Variants in FAP observed in about 807,000 individuals in gnomAD.
FAP encodes prolyl endopeptidase FAP.
In FAP, 110 loss-of-function variants were observed where a neutral mutation model predicts 126.5. That is an observed-to-expected ratio of 0.87 (90% CI 0.74 to 1.02). The LOEUF (loss-of-function observed/expected upper bound fraction) is 1.02, where lower values mean the gene tolerates loss of function less well. Among genes scored for constraint, FAP ranks in the 50% least tolerant of loss-of-function variants. The probability of loss-of-function intolerance (pLI) is 0.00; values close to 1 mark genes in which losing one functional copy is unlikely to be tolerated. For synonymous variants in FAP, 334 were observed against 297.3 expected, an observed-to-expected ratio of 1.12 and a Z score of -1.27; for missense variants, 919 against 909.2, an observed-to-expected ratio of 1.01 and a Z score of -0.14.
intron 12 of FAP, among the ~76,000 whole-genome samples, chr2:162,204,084 T>C (rs534660857): frequency 2.6e-5 from 4 of 152,232 alleles, no homozygotes; most frequent in Admixed American, 2.6e-4. Flanking sequence ...CTCTCTCTAG[T>C]TGGTGTCCCT....
Position 162,225,549 on chromosome 2 carries a change from A to G in FAP, c.219T>C (p.Asp73=). The change falls in exon 4 of 26, where the codon GAT becomes GAC. Residue 73 remains aspartate (D), a synonymous_variant. Coordinates refer to ENST00000188790, the MANE Select transcript of FAP (RefSeq NM_004460.5). ...SGQEYLHQSA[D]NNIVLYNIET... ...CAATATTATAAAGTACTATATTGTT[A>G]TCTGCAGATTGATGAAGATATTCTT... 1 of 1,599,658 alleles carries G rather than the reference A, an allele frequency of 6.3e-7. No individual in the cohort carries two copies. The highest frequency in any genetic ancestry group is 8.5e-7 in the Non-Finnish European group (1 of 1,172,090).
intron 2 of FAP, among the ~76,000 whole-genome samples, chr2:162,229,284 CAT>C (rs1359632418): frequency 6.6e-5 from 10 of 152,052 alleles, no homozygotes; most frequent in Admixed American, 6.6e-4. Flanking sequence ...GCAGTCAATA[CAT>C]GTTACCTTTT....
chr2:162,223,975 T>C (rs980012), intron 5 of FAP, among the ~76,000 whole-genome samples: 151,985 of 152,196 alleles, frequency 1, 75,887 homozygotes, highest in Middle Eastern at 1. Flanking sequence ...GAAATTTTCC[T>C]TTCATGTTTT....
intron 21 of FAP, among the ~76,000 whole-genome samples, chr2:162,177,149 G>T (rs996630595): frequency 6.6e-6 from 1 of 152,154 alleles, no homozygotes; most frequent in Non-Finnish European, 1.5e-5. Context: ...CCACAGAGCA[G>T]ATTGGCCATG....
intron 2 of FAP, among the ~76,000 whole-genome samples, chr2:162,232,038 G>A (rs909012524): frequency 6.6e-6 from 1 of 151,994 alleles, no homozygotes; most frequent in Non-Finnish European, 1.5e-5. Flanking sequence ...TTATCACACC[G>A]GGTTTTGTTT....
At chr2:162,232,840 T>C (rs1689952961) in intron 2 of FAP, among the ~76,000 whole-genome samples, 1 of 152,220 alleles carries the variant, frequency 6.6e-6, no homozygotes. Flanking sequence ...TGTAAGAACA[T>C]GAATGGCAAA....
intron 2 of FAP, among the ~76,000 whole-genome samples, chr2:162,239,715 GA>G (rs1047281861): frequency 6.6e-5 from 10 of 151,802 alleles, no homozygotes; most frequent in Admixed American, 4.6e-4. Context: ...AGAAATTTTA[GA>G]AAAAAAATAA....
chr2:162,218,696 A>G (rs570022408), intron 8 of FAP, among the ~76,000 whole-genome samples: 1 of 152,148 alleles, frequency 6.6e-6, no homozygotes, highest in African/African-American at 2.4e-5. Flanking sequence ...AGTATCAGAA[A>G]GTAAAAATAT....
chr2:162,214,665 T>C (rs1040913349), intron 10 of FAP, among the ~76,000 whole-genome samples: 20 of 149,490 alleles, frequency 1.3e-4, no homozygotes, highest in African/African-American at 4.7e-4. Context: ...AACTAGTAGG[T>C]AGAGAACATC....
chr2:162,227,957 C>T (rs1375955408), intron 2 of FAP, among the ~76,000 whole-genome samples: 1 of 152,062 alleles, frequency 6.6e-6, no homozygotes, highest in Non-Finnish European at 1.5e-5. Context: ...ATGTTCCTTG[C>T]TTTTACAACA....
In FAP at chr2:162,183,479, A is replaced by G; in HGVS notation, c.1815-11T>C. ...ATTTCTATGAATTTTCTAAAGTAAA[A>G]GAAACAAATTTTTAGAATGTTAAGT... On this transcript the variant is annotated splice_polypyrimidine_tract_variant and intron_variant, in intron 20 of 25. Coordinates refer to ENST00000188790, the MANE Select transcript of FAP (RefSeq NM_004460.5). 1 of 1,557,470 alleles carries G rather than the reference A, an allele frequency of 6.4e-7. No homozygotes were observed. The highest frequency in any genetic ancestry group is 1.1e-5 in the South Asian group (1 of 89,152).
chr2:162,242,897 A>G lies in FAP; in HGVS notation c.91+11T>C. ...TCTAGGCAGATAGAGCAAATCAGAG[A>G]AAGTTCTTACCTCTTGAAGGGCGTA... On this transcript the variant is annotated intron_variant, in intron 2 of 25. Coordinates refer to ENST00000188790, the MANE Select transcript of FAP (RefSeq NM_004460.5). 6.2e-7 allele frequency: 1 copy of G among 1,606,616 alleles called. No homozygotes were observed. Among genetic ancestry groups the G allele is most frequent in the Non-Finnish European group, 8.5e-7 (1 of 1,173,990 alleles).
In FAP at chr2:162,198,889, G is replaced by A. The variant is rs551491179; in HGVS notation, c.1278-8C>T. ...TAGCTTCCAATGCTAATTCTAGAGG[G>A]AAATGAAAATAAAACTAAGCTGAAA... On this transcript the variant is annotated splice_polypyrimidine_tract_variant and splice_region_variant and intron_variant, in intron 15 of 25. Coordinates refer to ENST00000188790, the MANE Select transcript of FAP (RefSeq NM_004460.5). The A allele has an allele frequency of 6.2e-7, 1 of 1,612,462 alleles. No individual in the cohort carries two copies. Among genetic ancestry groups the A allele is most frequent in the African/African-American group, 1.3e-5 (1 of 74,938 alleles).
intron 17 of FAP, among the ~76,000 whole-genome samples, chr2:162,191,838 G>T (rs1688058702): frequency 6.6e-6 from 1 of 152,120 alleles, no homozygotes; most frequent in African/African-American, 2.4e-5. Context: ...TCTGGTTCAA[G>T]TACTACCTGC....
intron 21 of FAP, 108 bp downstream of exon 21, chr2:162,183,306 A>C (rs1687753701): frequency 1.1e-6 from 1 of 888,118 alleles, no homozygotes; most frequent in South Asian, 1.5e-5. Flanking sequence ...TGACAGATTA[A>C]ATTATGTTGC....
chr2:162,173,722 C>T lies in FAP; in HGVS notation c.2034+1G>A. ...AACCTAAATAAAATGGAAACACTTA[C>T]CTTATAGTGCTCAAGATTATCATCC... On this transcript the variant is annotated splice_donor_variant, in intron 23 of 25. Transcript: ENST00000188790. LOFTEE classifies it high-confidence loss of function. 1 of 1,583,198 alleles carries T rather than the reference C, an allele frequency of 6.3e-7. No individual in the cohort carries two copies. Among genetic ancestry groups the T allele is most frequent in the Non-Finnish European group, 8.7e-7 (1 of 1,152,090 alleles).
Position 162,206,847 on chromosome 2 carries a change from G to A in FAP, c.1047+3105C>T, listed in dbSNP as rs551808284. Among the ~76,000 whole-genome samples the A allele has an allele frequency of 4.3e-4, 66 of 152,264 alleles. No individual in the cohort carries two copies. In the Middle Eastern group the frequency reaches 0.024, roughly 55 times the overall value. Reference sequence around the variant, plus strand: ...AGGAAAAAAGTGGTAAGTAAAGTTCGCAGGAAACCTATTTTCTAGTTCTGT... The same window carrying A: ...AGGAAAAAAGTGGTAAGTAAAGTTCACAGGAAACCTATTTTCTAGTTCTGT... On this transcript the variant is annotated intron_variant, in intron 12 of 25. Coordinates refer to ENST00000188790, the MANE Select transcript of FAP (RefSeq NM_004460.5).
At chr2:162,187,524 TC>T (rs1256116467) in intron 20 of FAP, among the ~76,000 whole-genome samples, 1 of 152,090 alleles carries the variant, frequency 6.6e-6, no homozygotes, top group Non-Finnish European at 1.5e-5. Context: ...GCCTATATAG[TC>T]CTGTTTCAGG....
intron 8 of FAP, among the ~76,000 whole-genome samples, chr2:162,218,535 TA>T (rs1188997387): frequency 1.3e-5 from 2 of 150,818 alleles, no homozygotes; most frequent in African/African-American, 2.4e-5. Flanking sequence ...TCCTAAGAGT[TA>T]AAAAAAACCA....
Sources: gnomAD v4.1 joint callset for allele counts (sites outside exome capture counted in the v4.1 genomes callset) on GRCh38, gnomAD v4.1.1 for gene constraint, MANE v1.5 for transcripts, NCBI Gene and HGNC (gene_info 2026-07-23, HGNC 2026-07-21) for gene names.